ZBTB7C: variants seen among roughly 807,000 people sequenced by gnomAD.
The protein encoded by ZBTB7C is zinc finger and BTB domain containing 7C, also known as zinc finger and BTB domain-containing protein 7C.
Under a neutral mutation model 25.7 loss-of-function variants are expected in ZBTB7C, and 8 were observed. That is an observed-to-expected ratio of 0.31 (90% confidence interval 0.18 to 0.56). The LOEUF is 0.56. Among genes scored for constraint, ZBTB7C ranks in the 20% least tolerant of loss-of-function variants. The pLI is 0.91. For missense variants in ZBTB7C, 824 were observed against 855.2 expected (o/e 0.96, Z 0.46); for synonymous variants, 394 against 369.0 (o/e 1.07, Z -0.78).
At chr18:48,122,875 T>A (rs1251232983) in intron 3 of ZBTB7C, among the ~76,000 whole-genome samples, 1 of 152,166 alleles carries the variant, frequency 6.6e-6, no homozygotes, top group Non-Finnish European at 1.5e-5. Flanking sequence ...ACAGACCAGA[T>A]GGGAGCTGCT....
At chr18:48,304,499 A>C (rs2045621491) in intron 2 of ZBTB7C, among the ~76,000 whole-genome samples, 1 of 152,110 alleles carries the variant, frequency 6.6e-6, no homozygotes, top group African/African-American at 2.4e-5. Context: ...ACATGGCAAA[A>C]CCCTGTCTCT....
chr18:48,258,071 G>A (rs567021122), intron 2 of ZBTB7C, among the ~76,000 whole-genome samples: 6 of 152,220 alleles, frequency 3.9e-5, no homozygotes, highest in Admixed American at 3.3e-4. Context: ...GCTTGGAATA[G>A]AAAGAAACTT....
chr18:48,091,101 T>C (rs2038394165), intron 3 of ZBTB7C, among the ~76,000 whole-genome samples: 1 of 151,236 alleles, frequency 6.6e-6, no homozygotes, highest in Non-Finnish European at 1.5e-5. Context: ...AAAGACAGGG[T>C]CTCGCTCTGT....
chr18:48,361,420 G>C (rs1251756154), intron 1 of ZBTB7C, among the ~76,000 whole-genome samples: 1 of 152,186 alleles, frequency 6.6e-6, no homozygotes, highest in Non-Finnish European at 1.5e-5. Flanking sequence ...GCCCAGAGGA[G>C]GCTCGTGTTG....
intron 2 of ZBTB7C, among the ~76,000 whole-genome samples, chr18:48,216,611 G>A (rs2042829630): frequency 6.6e-6 from 1 of 152,056 alleles, no homozygotes; most frequent in South Asian, 2.1e-4. Context: ...ATTTTCCAAG[G>A]CAAGTAGAAA....
intron 3 of ZBTB7C, among the ~76,000 whole-genome samples, chr18:48,166,616 C>T (rs76458111): frequency 0.049 from 7,500 of 152,164 alleles, 271 homozygotes; most frequent in Non-Finnish European, 0.071. Context: ...TGGTCCTCAG[C>T]GATACGGACA....
chr18:48,359,620 C>T (rs1464910935), intron 1 of ZBTB7C, among the ~76,000 whole-genome samples: 1 of 152,194 alleles, frequency 6.6e-6, no homozygotes, highest in Non-Finnish European at 1.5e-5. Flanking sequence ...GCAAGAATGG[C>T]CCCTTGAAAG....
chr18:48,346,203 C>T (rs1384365689), intron 1 of ZBTB7C, among the ~76,000 whole-genome samples: 1 of 152,216 alleles, frequency 6.6e-6, no homozygotes, highest in Non-Finnish European at 1.5e-5. Context: ...TGTGTACTTT[C>T]TGCCCCAGCT....
intron 2 of ZBTB7C, among the ~76,000 whole-genome samples, chr18:48,283,299 C>T: frequency 6.6e-6 from 1 of 152,110 alleles, no homozygotes; most frequent in East Asian, 1.9e-4. Flanking sequence ...TGTGCAGCCA[C>T]TAAATGCATT....
chr18:48,189,184 T>C (rs11664767), intron 2 of ZBTB7C, among the ~76,000 whole-genome samples: 117,565 of 152,218 alleles, frequency 0.77, 45,663 homozygotes, highest in South Asian at 0.94. Flanking sequence ...TGCAGAGCCC[T>C]GGAGCTAAAT....
chr18:48,129,829 A>C (rs1471520053), intron 3 of ZBTB7C, among the ~76,000 whole-genome samples: 1 of 152,044 alleles, frequency 6.6e-6, no homozygotes, highest in Admixed American at 6.5e-5. Context: ...CCTACAGCAC[A>C]GCTGTCCTGT....
At chr18:48,042,673 C>A (rs969875885) in intron 3 of ZBTB7C, among the ~76,000 whole-genome samples, 1 of 152,202 alleles carries the variant, frequency 6.6e-6, no homozygotes, top group African/African-American at 2.4e-5. Context: ...GCAGCCCAGG[C>A]GTTCCCTAAG....
chr18:48,288,778 C>A (rs530054427), intron 2 of ZBTB7C, among the ~76,000 whole-genome samples: 1 of 152,316 alleles, frequency 6.6e-6, no homozygotes, highest in East Asian at 1.9e-4. Context: ...CACCAGACAT[C>A]GAATCTGCTG....
intron 2 of ZBTB7C, among the ~76,000 whole-genome samples, chr18:48,245,109 C>CT (rs2043645261): frequency 4.9e-5 from 2 of 40,982 alleles, no homozygotes; most frequent in African/African-American, 1.8e-4. Context: ...TATATACACA[C>CT]ACACACACAC....
intron 1 of ZBTB7C, among the ~76,000 whole-genome samples, chr18:48,355,422 C>T (rs1440871491): frequency 1.3e-5 from 2 of 152,174 alleles, no homozygotes; most frequent in South Asian, 2.1e-4. Flanking sequence ...GTTCCCAGTT[C>T]GCCACGGAAT....
chr18:48,161,687 G>A (rs916733078), intron 3 of ZBTB7C, among the ~76,000 whole-genome samples: 1 of 150,714 alleles, frequency 6.6e-6, no homozygotes, highest in African/African-American at 2.5e-5. Context: ...GCGTTCACTC[G>A]GCTGCCCGGC....
At chr18:48,052,560 C>T (rs907697844) in intron 3 of ZBTB7C, among the ~76,000 whole-genome samples, 14 of 152,130 alleles carry the variant, frequency 9.2e-5, no homozygotes, top group African/African-American at 3.1e-4. Flanking sequence ...GGGGACTTTA[C>T]ACCAGGCAGA....
At chr18:48,245,524 T>C (rs1421153898) in intron 2 of ZBTB7C, among the ~76,000 whole-genome samples, 2 of 149,768 alleles carry the variant, frequency 1.3e-5, no homozygotes, top group East Asian at 1.9e-4. Context: ...ATGAATTTTC[T>C]ATGGTATATA....
intron 2 of ZBTB7C, among the ~76,000 whole-genome samples, chr18:48,196,342 C>G (rs1287001940): frequency 6.6e-6 from 1 of 152,150 alleles, no homozygotes; most frequent in Non-Finnish European, 1.5e-5. Flanking sequence ...TTGCAGCTGT[C>G]TAGGAAGGAT....
Sources: allele counts gnomAD v4.1 joint callset (sites outside exome capture counted in the v4.1 genomes callset), GRCh38; gene constraint gnomAD v4.1.1; transcripts MANE v1.5; gene names NCBI Gene and HGNC (gene_info 2026-07-23, HGNC 2026-07-21).